FTCD: variants seen among roughly 807,000 people sequenced by gnomAD.
The protein encoded by FTCD is formimidoyltransferase cyclodeaminase, also known as formimidoyltransferase-cyclodeaminase.
Under a neutral mutation model 62.9 loss-of-function variants are expected in FTCD, and 76 were observed. The ratio of observed to expected loss-of-function variants is 1.21; its 90% confidence interval spans 1.00 to 1.46. FTCD has a LOEUF of 1.46. Among genes scored for constraint, FTCD ranks in the 40% most tolerant of loss-of-function variants. The pLI, the probability that FTCD is intolerant of heterozygous loss-of-function variation, is 0.00. For synonymous variants in FTCD, 397 were observed against 336.9 expected (o/e 1.18, Z -1.95); for missense variants, 845 against 751.3 (o/e 1.12, Z -1.46).
downstream of FTCD, chr21:46,136,511 A>C: frequency 2.5e-6 from 4 of 1,611,920 alleles, no homozygotes; most frequent in Non-Finnish European, 3.4e-6. Flanking sequence ...CATGCACAGA[A>C]CCAGGGCCCC....
At chr21:46,145,645 C>T (rs2079123231) in intron 9 of FTCD, 67 bp from the exon 10 acceptor site, 2 of 1,333,958 alleles carry the variant, frequency 1.5e-6, no homozygotes, top group Admixed American at 2.2e-5. Context: ...CCAGGAAGAG[C>T]CAGGGGCCCG....
chr21:46,150,965 G>A (rs2079257953), intron 5 of FTCD, among the ~76,000 whole-genome samples: 1 of 152,260 alleles, frequency 6.6e-6, no homozygotes, highest in African/African-American at 2.4e-5. Context: ...GGGGCCTAAA[G>A]CAGGACTTAG....
intron 3 of FTCD, chr21:46,152,386 G>A (rs1421500073): frequency 9.5e-6 from 2 of 211,442 alleles, no homozygotes; most frequent in Non-Finnish European, 1.9e-5. Flanking sequence ...CCCTGCGTCG[G>A]GATTTCCTTC....
In FTCD at chr21:46,148,250, C is replaced by G. The variant is rs905282889; in HGVS notation, c.906+1869G>C. ...GCCTTGGCAAGTGACGGGTCCACGT[C>G]GGCACCCTGAGAAAATGAGCATCAT... is the stretch of plus-strand genomic sequence containing the variant. On this transcript the variant is annotated intron_variant, in intron 7 of 13. Coordinates refer to ENST00000397746, the MANE Select transcript of FTCD (RefSeq NM_206965.2). Among the ~76,000 whole-genome samples the G allele has an allele frequency of 2.0e-5, 3 of 152,296 alleles. No homozygotes were observed. In the South Asian group the frequency reaches 6.2e-4, roughly 32 times the overall value.
rs1159888417 is a variant in FTCD at position 46,152,922 on chromosome 21, C to T, written c.352G>A (p.Glu118Lys). ...AQAFGQRLAE[E>K]LDVPVYLYGE... ...GCACGCTCACCTGGCACGTCCAGCTCCTCTGCCAGCCTCTGGCCAAAGGCC... is the reference window on the plus strand; with the variant it reads ...GCACGCTCACCTGGCACGTCCAGCTTCTCTGCCAGCCTCTGGCCAAAGGCC... Residue 118 changes from glutamate to lysine, a missense_variant, in exon 3 of 14, where the codon GAG becomes AAG. By Grantham distance (56) the Glu-to-Lys change is moderately conservative. Coordinates refer to ENST00000397746, the MANE Select transcript of FTCD (RefSeq NM_206965.2). 1 of 1,566,288 alleles carries T rather than the reference C, an allele frequency of 6.4e-7. No homozygotes were observed. Among genetic ancestry groups the T allele is most frequent in the Non-Finnish European group, 8.7e-7 (1 of 1,155,838 alleles).
At chr21:46,139,398 C>T (rs1281495079) in intron 10 of FTCD, among the ~76,000 whole-genome samples, 1 of 152,180 alleles carries the variant, frequency 6.6e-6, no homozygotes, top group East Asian at 1.9e-4. Flanking sequence ...CCTAGGTGCT[C>T]ATGTGTGTAG....
In FTCD at chr21:46,138,935, A is replaced by T. The variant is rs1272373499; in HGVS notation, c.1261-12T>A. ...AGCCTCATTGCTTCCTGCCATAAAGAGACAGAACCACTGGGCGAGGGACCG... is the reference window on the plus strand; with the variant it reads ...AGCCTCATTGCTTCCTGCCATAAAGTGACAGAACCACTGGGCGAGGGACCG... On this transcript the variant is annotated splice_polypyrimidine_tract_variant and intron_variant, in intron 10 of 13. Coordinates refer to ENST00000397746, the MANE Select transcript of FTCD (RefSeq NM_206965.2). The T allele has an allele frequency of 1.9e-6, 3 of 1,609,972 alleles. No homozygotes were observed.
At chr21:46,147,720 C>T (rs2079180536) in intron 7 of FTCD, among the ~76,000 whole-genome samples, 1 of 151,140 alleles carries the variant, frequency 6.6e-6, no homozygotes, top group South Asian at 2.1e-4. Flanking sequence ...GGACGGATCA[C>T]GAGGTCAGGA....
At position 46,136,969 on chromosome 21, in the gene FTCD, G is replaced by A. The variant is rs1210604496; in HGVS notation, c.*18C>T. On this transcript the variant is annotated 3_prime_UTR_variant, in exon 14 of 14. Transcript: ENST00000397746. ...GGCGAGGGAGGGGCCACAGAGCCCG[G>A]AGAGGCCTCCCGCACCGTCACTCCT... 1 of 1,613,004 alleles carries A rather than the reference G, an allele frequency of 6.2e-7. No individual in the cohort carries two copies. Among genetic ancestry groups the A allele is most frequent in the Non-Finnish European group, 8.5e-7 (1 of 1,179,966 alleles).
downstream of FTCD, chr21:46,136,510 A>T (rs751703332): frequency 6.2e-7 from 1 of 1,611,916 alleles, no homozygotes. Context: ...CCATGCACAG[A>T]ACCAGGGCCC....
At chr21:46,139,114 G>C (rs778072438) in intron 10 of FTCD, 191 bp from the exon 11 acceptor site, 10 of 629,130 alleles carry the variant, frequency 1.6e-5, no homozygotes, top group Admixed American at 2.4e-5. Context: ...GGGTAGGGGG[G>C]GTCGGGGCAC....
In FTCD at chr21:46,137,432, G is replaced by A. The variant is rs997476508; in HGVS notation, c.1444-98C>T. 144 of 933,646 alleles carry A rather than the reference G, an allele frequency of 1.5e-4. 6 individuals carry two copies. Among genetic ancestry groups the A allele is most frequent in the South Asian group, 1.3e-3 (104 of 77,148 alleles). The allele number at this position is 933,646 out of a possible 1,614,324, so 57.8% of individuals were successfully genotyped here. ...CGGGCTCTGGGACAGGCCGGACTTCGTCCTCCTCCTCACAAGGAGCCCAGC... is the reference window on the plus strand; with the variant it reads ...CGGGCTCTGGGACAGGCCGGACTTCATCCTCCTCCTCACAAGGAGCCCAGC... On this transcript the variant is annotated intron_variant, in intron 12 of 13. Transcript: ENST00000397746.
chr21:46,140,643 T>G (rs58400705), intron 10 of FTCD, among the ~76,000 whole-genome samples: 2 of 89,404 alleles, frequency 2.2e-5, no homozygotes, highest in Non-Finnish European at 2.3e-5. Context: ...TCACAGGGAG[T>G]GTAAACCCAC....
chr21:46,138,581 G>T lies in FTCD; in HGVS notation c.1370C>A (p.Thr457Lys). The T allele has an allele frequency of 1.3e-6, 2 of 1,588,768 alleles. No individual in the cohort carries two copies. Among genetic ancestry groups the T allele is most frequent in the Non-Finnish European group, 8.5e-7 (1 of 1,174,662 alleles). Reference sequence around the variant, plus strand: ...CAGGGCCGGCCACAGCGAGGCCACCGTCTCCGCCAGCGTCAGCGGCACAGA... The same window carrying T: ...CAGGGCCGGCCACAGCGAGGCCACCTTCTCCGCCAGCGTCAGCGGCACAGA... ...AVSVPLTLAE[T>K]VASLWPALQE... Residue 457 changes from threonine to lysine, a missense_variant, in exon 12 of 14, where the codon ACG (threonine) becomes AAG (lysine). By Grantham distance (78) the Thr-to-Lys change is moderately conservative. Coordinates refer to ENST00000397746, the MANE Select transcript of FTCD (RefSeq NM_206965.2).
At chr21:46,146,441 G>C (rs1333958985) in intron 7 of FTCD, 114 bp from the exon 8 acceptor site, 1 of 761,274 alleles carries the variant, frequency 1.3e-6, no homozygotes, top group African/African-American at 1.7e-5. Context: ...GAGCACACAG[G>C]TGCTTTTGCG....
intron 10 of FTCD, among the ~76,000 whole-genome samples, chr21:46,143,060 G>T (rs554003222): frequency 2.0e-5 from 3 of 152,114 alleles, no homozygotes; most frequent in South Asian, 2.1e-4. Flanking sequence ...GGACCAGAAC[G>T]GGACCCTCAG....
At chr21:46,152,267 C>T (rs1216598360) in intron 3 of FTCD, 1 of 414,266 alleles carries the variant, frequency 2.4e-6, no homozygotes, top group Non-Finnish European at 4.3e-6. Context: ...GACGTTCATG[C>T]TTCTGTTTTC....
Position 46,145,998 on chromosome 21 carries a change from C to T in FTCD, c.969-51G>A, listed in dbSNP as rs1370624947. On this transcript the variant is annotated intron_variant, in intron 8 of 13. Transcript: ENST00000397746. ...GTCTGGCCGGGGTTGGTGGGGGGAG[C>T]GCAGTCCTCCCGGGGCGGCCCCAGG... 6.1e-6 allele frequency: 7 copies of T among 1,146,452 alleles called. No homozygotes were observed. In the East Asian group the frequency reaches 1.6e-4, roughly 26 times the overall value. The allele number at this position is 1,146,452 out of a possible 1,614,324, so 71.0% of individuals were successfully genotyped here. A position where few individuals can be genotyped will look rare whatever the true frequency, so the allele number is the denominator to read the frequency against.
chr21:46,145,574 G>T lies in FTCD; in HGVS notation c.1103C>A (p.Ala368Glu). 1 of 1,537,890 alleles carries T rather than the reference G, an allele frequency of 6.5e-7. No homozygotes were observed. The change falls in exon 10 of 14, where the codon GCG becomes GAG. Residue 368 changes from alanine to glutamate, a missense_variant. By Grantham distance (107) the Ala-to-Glu change is moderately radical. Coordinates refer to ENST00000397746, the MANE Select transcript of FTCD (RefSeq NM_206965.2). Reference sequence around the variant, plus strand: ...GAGGCCCACCATGGAGCCCAGCGCCGCACCCTGCGAGAGGGGTGGATGTGG... The same window carrying T: ...GAGGCCCACCATGGAGCCCAGCGCCTCACCCTGCGAGAGGGGTGGATGTGG... Reference protein sequence around the residue: ...SVAAAAAAMGAALGSMVGLMT... With the variant: ...SVAAAAAAMGEALGSMVGLMT...
Sources: allele counts gnomAD v4.1 joint callset (sites outside exome capture counted in the v4.1 genomes callset), GRCh38; gene constraint gnomAD v4.1.1; transcripts MANE v1.5; gene names NCBI Gene and HGNC (gene_info 2026-07-23, HGNC 2026-07-21).